SCTR: variants seen among roughly 807,000 people sequenced by gnomAD.
SCTR encodes secretin receptor.
Under a neutral mutation model 60.8 loss-of-function variants are expected in SCTR, and 56 were observed. The observed-to-expected ratio is 0.92, with a 90% CI of 0.74 to 1.15. SCTR has a LOEUF of 1.15. Ranked by LOEUF, SCTR falls within the 50% of genes most tolerant of loss-of-function variation. SCTR has a pLI of 0.00. For missense variants in SCTR, 562 were observed against 550.4 expected (o/e 1.02, Z -0.21); for synonymous variants, 202 against 217.0 (o/e 0.93, Z 0.61).
intron 1 of SCTR, among the ~76,000 whole-genome samples, chr2:119,510,924 A>G (rs1678907866): frequency 6.6e-6 from 1 of 152,082 alleles, no homozygotes; most frequent in South Asian, 2.1e-4. Flanking sequence ...TTGGCTGGGC[A>G]TGGTGGCTCA....
intron 2 of SCTR, chr2:119,479,953 C>G (rs142404806): frequency 1.5e-4 from 23 of 152,324 alleles, no homozygotes; most frequent in African/African-American, 3.6e-4. Context: ...GCACAGCCTT[C>G]TGGATTATCT....
At chr2:119,453,144 T>G in intron 8 of SCTR, 143 bp downstream of exon 8, 4 of 666,746 alleles carry the variant, frequency 6.0e-6, no homozygotes, top group Non-Finnish European at 8.0e-6. Context: ...TGGGAAGCAG[T>G]GAGCATCAGT....
chr2:119,440,505 C>A (rs992299324), intron 12 of SCTR, among the ~76,000 whole-genome samples: 1 of 152,224 alleles, frequency 6.6e-6, no homozygotes, highest in African/African-American at 2.4e-5. Context: ...GACTTGTGCA[C>A]CTTGGGACAA....
intron 10 of SCTR, among the ~76,000 whole-genome samples, chr2:119,447,177 A>G (rs140958266): frequency 1.8e-4 from 27 of 152,262 alleles, no homozygotes; most frequent in African/African-American, 5.8e-4. Context: ...TTATTTATAA[A>G]TTACGTGCCT....
chr2:119,466,412 G>A lies in SCTR; in HGVS notation c.406-526C>T, dbSNP rs535184600. On this transcript the variant is annotated intron_variant, in intron 4 of 12. Transcript: ENST00000019103. ...GGGAGGCCTGCCATTTTTTAATACAGCTATTCTGCCCATCTGTTTCTCTTT... is the reference window on the plus strand; with the variant it reads ...GGGAGGCCTGCCATTTTTTAATACAACTATTCTGCCCATCTGTTTCTCTTT... Among the ~76,000 whole-genome samples, 3 of 152,182 alleles carry A rather than the reference G, an allele frequency of 2.0e-5. No homozygotes were observed. In the East Asian group the frequency reaches 5.8e-4, roughly 29 times the overall value.
chr2:119,477,674 C>T (rs1275603686), intron 3 of SCTR, among the ~76,000 whole-genome samples: 3 of 152,194 alleles, frequency 2.0e-5, no homozygotes, highest in Admixed American at 2.0e-4. Context: ...TGGTCTCGAA[C>T]TCCCGACCTC....
chr2:119,489,026 C>A (rs922099426), intron 2 of SCTR, among the ~76,000 whole-genome samples: 4 of 152,150 alleles, frequency 2.6e-5, no homozygotes, highest in African/African-American at 4.8e-5. Flanking sequence ...TTTCCTCGAA[C>A]CGTGAGAGCC....
chr2:119,516,978 A>G lies in SCTR; in HGVS notation c.72+7177T>C, dbSNP rs372603140. 3.3e-4 allele frequency among the ~76,000 whole-genome samples: 51 copies of G among 152,284 alleles called. 1 individual carries two copies. Among genetic ancestry groups the G allele is most frequent in the African/African-American group, 1.0e-3 (42 of 41,566 alleles). On this transcript the variant is annotated intron_variant, in intron 1 of 12. Transcript: ENST00000019103. ...AGCGAAATTCTGTCTCAAAAGTAAT[A>G]ACAATAATAATAACACTGTATCGTA... is the stretch of plus-strand genomic sequence containing the variant.
Position 119,489,028 on chromosome 2 carries a change from G to A in SCTR, c.193+5400C>T, listed in dbSNP as rs368602538. ...ACGGGGAGAGTCTTTTCCTCGAACCGTGAGAGCCCAACAGGAATGCTGGGT... is the reference window on the plus strand; with the variant it reads ...ACGGGGAGAGTCTTTTCCTCGAACCATGAGAGCCCAACAGGAATGCTGGGT... On this transcript the variant is annotated intron_variant, in intron 2 of 12. Transcript: ENST00000019103. Among the ~76,000 whole-genome samples, 40 of 152,256 alleles carry A rather than the reference G, an allele frequency of 2.6e-4. No individual in the cohort carries two copies. In the East Asian group the frequency reaches 4.3e-3, roughly 16 times the overall value.
At chr2:119,478,716 G>A (rs1677451263) in intron 3 of SCTR, 95 bp downstream of exon 3, 3 of 1,090,112 alleles carry the variant, frequency 2.8e-6, no homozygotes, top group Non-Finnish European at 4.1e-6. Flanking sequence ...CTTGTCCTCA[G>A]AGAAGGTTCC....
chr2:119,467,562 A>G (rs1481796811), intron 4 of SCTR, among the ~76,000 whole-genome samples: 11 of 152,228 alleles, frequency 7.2e-5, no homozygotes, highest in Non-Finnish European at 1.5e-5. Flanking sequence ...GGAAGGTAAT[A>G]TAGAAATATG....
At chr2:119,461,149 T>A (rs547190324) in intron 7 of SCTR, among the ~76,000 whole-genome samples, 1 of 152,294 alleles carries the variant, frequency 6.6e-6, no homozygotes, top group South Asian at 2.1e-4. Flanking sequence ...GACTTTTCAG[T>A]TATATGAGCC....
rs1573825242 is a variant in SCTR at position 119,461,986 on chromosome 2, C to T, written c.651G>A (p.Leu217=). The T allele has an allele frequency of 2.5e-6, 4 of 1,604,760 alleles. No homozygotes were observed. In the East Asian group the frequency reaches 9.0e-5, roughly 36 times the overall value. The part of the protein sequence containing the change: ...YCDAHRAGCK[L]VMVLFQYCIM... ...TGCAGTACTGGAACAGCACCATGACCAGCTTGCAGCCCGCCTGGAGAGAGA... is the reference window on the plus strand; with the variant it reads ...TGCAGTACTGGAACAGCACCATGACTAGCTTGCAGCCCGCCTGGAGAGAGA... Residue 217 remains leucine, a synonymous_variant, in exon 7 of 13, where the codon CTG becomes CTA. Coordinates refer to ENST00000019103, the MANE Select transcript of SCTR (RefSeq NM_002980.3).
intron 1 of SCTR, among the ~76,000 whole-genome samples, chr2:119,519,190 G>T (rs1376423100): frequency 1.3e-5 from 2 of 151,980 alleles, no homozygotes; most frequent in Non-Finnish European, 2.9e-5. Flanking sequence ...TCTCAGACTG[G>T]TCTCAAACTC....
intron 2 of SCTR, among the ~76,000 whole-genome samples, chr2:119,490,414 C>G (rs576047382): frequency 1.2e-4 from 18 of 152,338 alleles, no homozygotes; most frequent in Non-Finnish European, 2.5e-4. Flanking sequence ...GGGTTCTCTT[C>G]CCTTCCCGCT....
chr2:119,492,331 C>T (rs1020503156), intron 2 of SCTR, among the ~76,000 whole-genome samples: 4 of 152,234 alleles, frequency 2.6e-5, no homozygotes, highest in African/African-American at 9.6e-5. Flanking sequence ...AAACGCATTC[C>T]TAAGTGATGA....
intron 11 of SCTR, among the ~76,000 whole-genome samples, chr2:119,446,390 C>A (rs1019593018): frequency 2.6e-5 from 4 of 152,174 alleles, no homozygotes; most frequent in Admixed American, 2.0e-4. Flanking sequence ...CAAACACCCG[C>A]CCCACGCTCC....
At chr2:119,462,494 C>T (rs1683652938) in intron 6 of SCTR, among the ~76,000 whole-genome samples, 1 of 152,234 alleles carries the variant, frequency 6.6e-6, no homozygotes. Flanking sequence ...GTAAAAATGG[C>T]CCTGGCTGGT....
intron 7 of SCTR, among the ~76,000 whole-genome samples, chr2:119,456,910 G>C (rs956716468): frequency 3.3e-5 from 5 of 152,140 alleles, no homozygotes; most frequent in African/African-American, 1.2e-4. Flanking sequence ...ACCAAGGAAT[G>C]CCAAGCATTG....
Sources: allele counts gnomAD v4.1 joint callset (sites outside exome capture counted in the v4.1 genomes callset), GRCh38; gene constraint gnomAD v4.1.1; transcripts MANE v1.5; gene names NCBI Gene and HGNC (gene_info 2026-07-23, HGNC 2026-07-21).